Variants in POC1B observed in about 807,000 individuals in gnomAD.
POC1B encodes POC1 centriolar protein homolog B.
In POC1B, 44 loss-of-function variants were observed where a neutral mutation model predicts 60.6. The observed-to-expected ratio is 0.73, with a 90% CI of 0.57 to 0.93. The LOEUF (loss-of-function observed/expected upper bound fraction) is 0.93, where lower values mean the gene tolerates loss of function less well. POC1B is among the 40% of genes least tolerant of loss of function. POC1B has a pLI of 0.00. For synonymous variants in POC1B, 180 were observed against 198.9 expected, an observed-to-expected ratio of 0.90 and a Z score of 0.80; for missense variants, 555 against 572.3, an observed-to-expected ratio of 0.97 and a Z score of 0.31.
At chr12:89,436,136 G>C (rs1881255343) in intron 10 of POC1B, among the ~76,000 whole-genome samples, 1 of 151,672 alleles carries the variant, frequency 6.6e-6, no homozygotes, top group South Asian at 2.1e-4. Context: ...GTAGAGATGG[G>C]GTTTCACCAT....
intron 2 of POC1B, among the ~76,000 whole-genome samples, chr12:89,503,011 T>A (rs1211155216): frequency 6.6e-6 from 1 of 152,158 alleles, no homozygotes; most frequent in African/African-American, 2.4e-5. Flanking sequence ...AGTTGGGACA[T>A]TTGTCTTTGT....
chr12:89,523,202 T>C lies in POC1B; in HGVS notation c.100+1918A>G, dbSNP rs372140542. The C allele has an allele frequency of 1.2e-4, 196 of 1,613,884 alleles. No homozygotes were observed. The highest frequency in any genetic ancestry group is 1.6e-4 in the Non-Finnish European group (188 of 1,179,876). ...AAACATTCAGACGAGATCCCTCTAC[T>C]GCGAATAGCCCCATGCCAGCCTGGT... On this transcript the variant is annotated intron_variant, in intron 2 of 11. Transcript: ENST00000313546.
At chr12:89,521,294 G>A (rs1301962959) in intron 2 of POC1B, 3 of 152,120 alleles carry the variant, frequency 2.0e-5, no homozygotes, top group African/African-American at 4.8e-5. Flanking sequence ...TAGTAGAGAC[G>A]AGGTTTCACC....
chr12:89,454,596 A>T (rs914853510), intron 10 of POC1B, among the ~76,000 whole-genome samples: 6 of 152,150 alleles, frequency 3.9e-5, no homozygotes, highest in Non-Finnish European at 8.8e-5. Flanking sequence ...CTTCCCAGAT[A>T]GCCATGACTT....
chr12:89,445,357 T>C (rs1157329915), intron 10 of POC1B, among the ~76,000 whole-genome samples: 4 of 152,082 alleles, frequency 2.6e-5, no homozygotes, highest in Admixed American at 1.3e-4. Flanking sequence ...CTTCAAACTA[T>C]ACTACAAGGG....
chr12:89,500,326 C>A (rs10777171), intron 2 of POC1B: 728,355 of 1,509,950 alleles, frequency 0.48, 177,649 homozygotes, highest in East Asian at 0.64. Flanking sequence ...GCAAAGAGTG[C>A]CAGAAATCAC....
intron 2 of POC1B, chr12:89,524,154 C>T (rs751862118): frequency 2.1e-5 from 34 of 1,613,946 alleles, no homozygotes; most frequent in Non-Finnish European, 2.7e-5. Context: ...TAGGAAGTGT[C>T]CTATAGTTGA....
intron 10 of POC1B, among the ~76,000 whole-genome samples, 164 bp downstream of exon 10, chr12:89,459,474 A>C (rs1328096573): frequency 1.3e-5 from 2 of 151,398 alleles, no homozygotes; most frequent in Non-Finnish European, 2.9e-5. Context: ...TAAACTATTT[A>C]GATGCATTGT....
rs142336532 is a variant in POC1B, at chr12:89,481,079, G to A, written c.453-8804C>T. Among the ~76,000 whole-genome samples, 765 of 150,482 alleles carry A rather than the reference G, an allele frequency of 5.1e-3. 9 individuals are homozygous for A. The highest frequency in any genetic ancestry group is 0.018 in the African/African-American group (718 of 40,896). On this transcript the variant is annotated intron_variant, in intron 4 of 11. Transcript: ENST00000313546. Reference sequence around the variant, plus strand: ...AGGGCCTAATTGTTAGGGCCATGTTGGCCAGGCTGGTCTCAAACTCCTGGC... The same window carrying A: ...AGGGCCTAATTGTTAGGGCCATGTTAGCCAGGCTGGTCTCAAACTCCTGGC...
intron 7 of POC1B, among the ~76,000 whole-genome samples, chr12:89,468,280 T>C (rs1325272081): frequency 6.6e-6 from 1 of 152,144 alleles, no homozygotes; most frequent in Non-Finnish European, 1.5e-5. Flanking sequence ...ATTATCTAGG[T>C]GAGAGGTAAT....
intron 2 of POC1B, among the ~76,000 whole-genome samples, chr12:89,514,168 C>T (rs1870323784): frequency 6.6e-6 from 1 of 152,020 alleles, no homozygotes; most frequent in Non-Finnish European, 1.5e-5. Flanking sequence ...TTCCCCCTTG[C>T]CGTTCTCGTG....
intron 3 of POC1B, 131 bp from the exon 4 acceptor site, chr12:89,492,246 A>C (rs1387853131): frequency 1.4e-6 from 1 of 704,786 alleles, no homozygotes; most frequent in Non-Finnish European, 2.1e-6. Flanking sequence ...ACCTAACAAA[A>C]GTATGAAAGG....
Position 89,425,247 on chromosome 12 carries a change from G to A in POC1B, c.1246C>T (p.Leu416Phe), listed in dbSNP as rs535484220. The change falls in exon 11 of 12, where the codon CTC (leucine) becomes TTC (phenylalanine). Residue 416 changes from leucine (L) to phenylalanine (F), a missense_variant. Physicochemically the swap from Leu to Phe is conservative, Grantham distance 22. Coordinates refer to ENST00000313546, the MANE Select transcript of POC1B (RefSeq NM_172240.3). ...ATGCTCCTTTGACTTTCACAGGGGAGGTCACTCATGTCTTCTGTTTTCTTT... is the reference window on the plus strand; with the variant it reads ...ATGCTCCTTTGACTTTCACAGGGGAAGTCACTCATGTCTTCTGTTTTCTTT... ...TKKKTEDMSDLPCESQRSIPL... is the reference protein window; with the variant it reads ...TKKKTEDMSDFPCESQRSIPL... The A allele has an allele frequency of 2.5e-6, 4 of 1,614,114 alleles. No individual in the cohort carries two copies. Among genetic ancestry groups the A allele is most frequent in the East Asian group, 2.2e-5 (1 of 44,874 alleles).
chr12:89,479,461 G>A (rs1262702024), intron 4 of POC1B, among the ~76,000 whole-genome samples: 1 of 152,020 alleles, frequency 6.6e-6, no homozygotes, highest in African/African-American at 2.4e-5. Context: ...CAACAAAGAT[G>A]CCTGACATAT....
chr12:89,493,311 G>T (rs890663544), intron 3 of POC1B, among the ~76,000 whole-genome samples: 4 of 152,160 alleles, frequency 2.6e-5, no homozygotes, highest in African/African-American at 9.6e-5. Context: ...TTGAAGCACA[G>T]GAATGATGAT....
intron 2 of POC1B, chr12:89,522,263 T>C (rs1399846881): frequency 7.5e-6 from 3 of 398,050 alleles, no homozygotes. Flanking sequence ...ATTACACATA[T>C]CTCTAAAACC....
the POC1B span, among the ~76,000 whole-genome samples, chr12:89,405,438 T>A: frequency 3.3e-5 from 5 of 151,656 alleles, no homozygotes; most frequent in Non-Finnish European, 5.9e-5. Context: ...AGGCCAGGAG[T>A]TCAAGACCAG....
chr12:89,501,412 G>C, intron 2 of POC1B: 1 of 1,003,616 alleles, frequency 1.0e-6, no homozygotes, highest in South Asian at 1.3e-5. Context: ...GCTCGATGTG[G>C]GACAGACTAA....
chr12:89,430,536 G>A (rs1041072464), intron 10 of POC1B, among the ~76,000 whole-genome samples: 1 of 152,080 alleles, frequency 6.6e-6, no homozygotes, highest in Non-Finnish European at 1.5e-5. Flanking sequence ...AACTACGTGC[G>A]AAAGTTCATA....
Sources: allele counts gnomAD v4.1 joint callset (sites outside exome capture counted in the v4.1 genomes callset), GRCh38; gene constraint gnomAD v4.1.1; transcripts MANE v1.5; gene names NCBI Gene and HGNC (gene_info 2026-07-23, HGNC 2026-07-21).